PDE4D: variants seen among roughly 807,000 people sequenced by gnomAD.
PDE4D encodes the protein phosphodiesterase 4D.
PDE4D carries 24 observed loss-of-function variants against 87.4 expected under a neutral mutation model. That is an observed-to-expected ratio of 0.27 (90% CI 0.20 to 0.39). The LOEUF is 0.39. Ranked by LOEUF, PDE4D falls within the 10% of genes least tolerant of loss-of-function variation. The pLI, the probability that PDE4D is intolerant of heterozygous loss-of-function variation, is 1.00. For missense variants in PDE4D, 714 were observed against 1,041.0 expected (o/e 0.69, Z 4.32); for synonymous variants, 384 against 383.2 (o/e 1.00, Z -0.02).
At chr5:59,288,398 A>G (rs1561888519) in intron 1 of PDE4D, among the ~76,000 whole-genome samples, 10 of 151,910 alleles carry the variant, frequency 6.6e-5, no homozygotes. Flanking sequence ...TGAAAATACA[A>G]AGAGAAGACA....
chr5:59,917,166 T>C (rs1251721554), intron 3 of PDE4D, among the ~76,000 whole-genome samples: 1 of 151,934 alleles, frequency 6.6e-6, no homozygotes, highest in Non-Finnish European at 1.5e-5. Context: ...GAAAAACTAA[T>C]GTATAGATTG....
chr5:59,220,452 T>G (rs1336011239), intron 1 of PDE4D, among the ~76,000 whole-genome samples: 2 of 150,920 alleles, frequency 1.3e-5, no homozygotes, highest in Non-Finnish European at 3.0e-5. Context: ...ATAAATGTTT[T>G]AACTACAAGA....
chr5:59,193,431 C>A (rs1278331676), intron 3 of PDE4D, 69 bp downstream of exon 3: 3 of 1,334,146 alleles, frequency 2.2e-6, no homozygotes, highest in Non-Finnish European at 3.2e-6. Flanking sequence ...AATTAATAAC[C>A]CGAACTAATT....
At chr5:60,160,868 G>A in intron 2 of PDE4D, 2 of 428,754 alleles carry the variant, frequency 4.7e-6, no homozygotes, top group Non-Finnish European at 9.2e-6. Flanking sequence ...CCTTATAAAA[G>A]ACTGATTTGA....
chr5:59,717,107 TC>T (rs540610199), intron 1 of PDE4D, among the ~76,000 whole-genome samples: 21 of 152,194 alleles, frequency 1.4e-4, no homozygotes, highest in Non-Finnish European at 2.6e-4. Context: ...TGATGCGAAT[TC>T]CTGACTAGAA....
intron 1 of PDE4D, among the ~76,000 whole-genome samples, chr5:59,713,717 G>A (rs772153738): frequency 1.3e-5 from 2 of 152,174 alleles, no homozygotes; most frequent in East Asian, 3.9e-4. Context: ...TGGAAACCTG[G>A]CCAGCAGTAG....
intron 1 of PDE4D, among the ~76,000 whole-genome samples, chr5:59,282,393 C>A (rs541806121): frequency 2.0e-5 from 3 of 151,922 alleles, no homozygotes; most frequent in Non-Finnish European, 4.4e-5. Flanking sequence ...ATAATCCCAG[C>A]ACTTTGGGAG....
Position 58,990,852 on chromosome 5 carries a change from C to T in PDE4D, c.1239G>A (p.Glu413=). 2 of 1,605,988 alleles carry T rather than the reference C, an allele frequency of 1.2e-6. No homozygotes were observed. The highest frequency in any genetic ancestry group is 1.7e-6 in the Non-Finnish European group (2 of 1,176,036). Residue 413 remains glutamate, a synonymous_variant, in exon 9 of 15, where the codon GAG becomes GAA. Coordinates refer to ENST00000340635, the MANE Select transcript of PDE4D (RefSeq NM_001104631.2). The stretch of plus-strand genomic sequence containing the variant: ...CAGTCAAGGGCCGGTTACCAGACAA[C>T]TCTGCTATTCTGAAAACATGAAGAC... The part of the protein sequence containing the change: ...KWGLHVFRIA[E]LSGNRPLTVI...
intron 1 of PDE4D, among the ~76,000 whole-genome samples, chr5:59,254,604 C>T (rs773520817): frequency 3.9e-4 from 59 of 152,002 alleles, no homozygotes; most frequent in Non-Finnish European, 5.6e-4. Context: ...CAGGAAAATA[C>T]ATTTCTTCTT....
chr5:59,046,488 T>G (rs10514871), intron 5 of PDE4D, among the ~76,000 whole-genome samples: 35,108 of 150,924 alleles, frequency 0.23, 5,022 homozygotes, highest in Middle Eastern at 0.39. Context: ...AAAGGGTAAC[T>G]CCAATTTGTA....
intron 2 of PDE4D, among the ~76,000 whole-genome samples, chr5:59,206,883 G>A (rs541670658): frequency 1.8e-4 from 28 of 152,188 alleles, no homozygotes; most frequent in Admixed American, 1.1e-3. Flanking sequence ...ATGCCCCACC[G>A]TCAAGACTTA....
At chr5:59,020,768 A>G (rs894261392) in intron 6 of PDE4D, among the ~76,000 whole-genome samples, 1 of 152,166 alleles carries the variant, frequency 6.6e-6, no homozygotes, top group South Asian at 2.1e-4. Flanking sequence ...AAATGGAAGA[A>G]GAACAATTAC....
intron 1 of PDE4D, among the ~76,000 whole-genome samples, chr5:59,445,456 G>A (rs1469033512): frequency 6.6e-6 from 1 of 152,146 alleles, no homozygotes; most frequent in Non-Finnish European, 1.5e-5. Flanking sequence ...CCCTATGCAG[G>A]CTGAACTGCC....
chr5:59,932,945 C>G (rs981415734), intron 3 of PDE4D, among the ~76,000 whole-genome samples: 2 of 134,390 alleles, frequency 1.5e-5, no homozygotes, highest in African/African-American at 5.4e-5. Flanking sequence ...GAGCAGCTAA[C>G]CCTTTAGAAA....
At chr5:60,076,975 G>A (rs770055621) in intron 2 of PDE4D, among the ~76,000 whole-genome samples, 7 of 152,218 alleles carry the variant, frequency 4.6e-5, no homozygotes, top group Non-Finnish European at 8.8e-5. Flanking sequence ...GTGTGCATTC[G>A]TGCTGGTGGT....
chr5:60,251,461 T>C (rs538062846), intron 1 of PDE4D, among the ~76,000 whole-genome samples: 3 of 152,106 alleles, frequency 2.0e-5, no homozygotes, highest in African/African-American at 7.2e-5. Flanking sequence ...CATGCAGTAT[T>C]TGGTTTTCCG....
intron 1 of PDE4D, among the ~76,000 whole-genome samples, chr5:59,420,689 GAAAAAAAA>G (rs55960957): frequency 1.6e-5 from 2 of 122,012 alleles, no homozygotes; most frequent in African/African-American, 6.4e-5. Flanking sequence ...TACTGCACAA[GAAAAAAAA>G]AAAAAAAAAC....
chr5:59,002,510 T>C (rs561527633), intron 6 of PDE4D, among the ~76,000 whole-genome samples: 1 of 151,514 alleles, frequency 6.6e-6, no homozygotes, highest in South Asian at 2.1e-4. Flanking sequence ...GTCTGACTAC[T>C]CTGAGAGGCT....
intron 5 of PDE4D, among the ~76,000 whole-genome samples, chr5:59,101,623 G>A (rs1333367895): frequency 6.6e-6 from 1 of 151,966 alleles, no homozygotes; most frequent in Non-Finnish European, 1.5e-5. Flanking sequence ...CACTATAAAG[G>A]CAAAACTGGA....
Sources: allele counts gnomAD v4.1 joint callset (sites outside exome capture counted in the v4.1 genomes callset), GRCh38; gene constraint gnomAD v4.1.1; transcripts MANE v1.5; gene names NCBI Gene and HGNC (gene_info 2026-07-23, HGNC 2026-07-21).